The following AGBL4 variants were observed in gnomAD, a reference collection of about 807,000 sequenced individuals.
AGBL4 encodes the protein AGBL carboxypeptidase 4.
A neutral mutation model predicts 66.4 loss-of-function variants in AGBL4; 58 were observed. That is an observed-to-expected ratio of 0.87 (90% CI 0.71 to 1.09). The LOEUF (loss-of-function observed/expected upper bound fraction) is 1.09. AGBL4 is among the 50% of genes least tolerant of loss of function. The pLI is 0.00. For missense variants in AGBL4, 579 were observed against 631.0 expected (o/e 0.92, Z 0.88); for synonymous variants, 234 against 222.9 (o/e 1.05, Z -0.44).
At chr1:48,956,416 C>T (rs927042343) in intron 5 of AGBL4, among the ~76,000 whole-genome samples, 4 of 152,226 alleles carry the variant, frequency 2.6e-5, no homozygotes, top group African/African-American at 9.6e-5. Flanking sequence ...AGTTACATTA[C>T]AACCAATCAA....
intron 2 of AGBL4, among the ~76,000 whole-genome samples, chr1:49,711,251 G>A (rs1647646587): frequency 6.6e-6 from 1 of 151,742 alleles, no homozygotes; most frequent in African/African-American, 2.4e-5. Flanking sequence ...ATCTAACCAA[G>A]AAAAAAATTA....
At chr1:48,957,162 A>G (rs920413462) in intron 5 of AGBL4, among the ~76,000 whole-genome samples, 1 of 152,128 alleles carries the variant, frequency 6.6e-6, no homozygotes, top group Non-Finnish European at 1.5e-5. Flanking sequence ...ATTTTTTGCT[A>G]TTATTACATA....
At chr1:49,084,299 T>C (rs1319982668) in intron 4 of AGBL4, among the ~76,000 whole-genome samples, 1 of 152,150 alleles carries the variant, frequency 6.6e-6, no homozygotes, top group Non-Finnish European at 1.5e-5. Flanking sequence ...ACTCTACCAT[T>C]ACCAATTTAC....
At chr1:49,963,724 A>G (rs1431100892) in intron 1 of AGBL4, among the ~76,000 whole-genome samples, 1 of 152,182 alleles carries the variant, frequency 6.6e-6, no homozygotes. Flanking sequence ...TACAAAGGAA[A>G]TGCTCCAACT....
intron 2 of AGBL4, among the ~76,000 whole-genome samples, chr1:49,720,774 A>T (rs963731884): frequency 1.3e-5 from 2 of 152,200 alleles, no homozygotes; most frequent in Non-Finnish European, 2.9e-5. Flanking sequence ...GGAAACTAAT[A>T]AATTAGTCAA....
chr1:49,720,861 A>G (rs767032064), intron 2 of AGBL4, among the ~76,000 whole-genome samples: 1 of 152,184 alleles, frequency 6.6e-6, no homozygotes, highest in Non-Finnish European at 1.5e-5. Context: ...CAAAGAGTTA[A>G]CAGAAGTGAC....
chr1:49,364,597 C>T (rs1644207251), intron 3 of AGBL4, among the ~76,000 whole-genome samples: 1 of 152,098 alleles, frequency 6.6e-6, no homozygotes, highest in African/African-American at 2.4e-5. Context: ...CATGCCTCAG[C>T]CTCCCAAGTA....
intron 1 of AGBL4, among the ~76,000 whole-genome samples, chr1:49,955,843 G>A (rs1287694271): frequency 1.3e-5 from 2 of 151,756 alleles, no homozygotes; most frequent in East Asian, 1.9e-4. Context: ...CCAATTTTAG[G>A]AAGATTTTAT....
rs1367455471 is a variant in AGBL4, at chr1:49,767,938, G to C, written c.158-70501C>G. 3.4e-5 allele frequency among the ~76,000 whole-genome samples: 5 copies of C among 148,742 alleles called. No homozygotes were observed. The South Asian group carries it at 1.1e-3, about 32-fold the overall frequency. ...CCCTGAAAAGACAAATATCAAGTTC[G>C]AAAATTGAATCAGTTGCATGTGTAC... is the stretch of plus-strand genomic sequence containing the variant. On this transcript the variant is annotated intron_variant, in intron 2 of 13. Transcript: ENST00000371839.
rs1644970640 is a variant in AGBL4 at position 49,396,180 on chromosome 1, AAG to A, written c.283-150318_283-150317del. ...CCAGATAGCAATACTGAAAGAAGGT[AAG>A]AGAGGACTATTGATACACAAAGCAT... On this transcript the variant is annotated intron_variant, in intron 3 of 13. Transcript: ENST00000371839. Among the ~76,000 whole-genome samples, 6 of 152,138 alleles carry A rather than the reference AAG, an allele frequency of 3.9e-5. No homozygotes were observed. The South Asian group carries it at 1.2e-3, about 32-fold the overall frequency.
At chr1:49,249,941 T>C (rs1651918204) in intron 3 of AGBL4, among the ~76,000 whole-genome samples, 1 of 152,150 alleles carries the variant, frequency 6.6e-6, no homozygotes, top group Non-Finnish European at 1.5e-5. Context: ...ATGAAACTGG[T>C]GGTCACAACA....
chr1:49,961,023 A>G (rs935837867), intron 1 of AGBL4, among the ~76,000 whole-genome samples: 45 of 152,122 alleles, frequency 3.0e-4, no homozygotes, highest in Admixed American at 1.8e-3. Context: ...TTGGAATAAT[A>G]AAGTGCCTTC....
chr1:49,671,869 C>G (rs1277618890), intron 3 of AGBL4, among the ~76,000 whole-genome samples: 1 of 151,900 alleles, frequency 6.6e-6, no homozygotes, highest in Non-Finnish European at 1.5e-5. Context: ...AAAATGGAAC[C>G]CTTATACACT....
At position 48,587,008 on chromosome 1, in the gene AGBL4, T is replaced by G. The variant is rs367898140; in HGVS notation, c.1263A>C (p.Glu421Asp). Residue 421 changes from glutamate to aspartate, a missense_variant, in exon 11 of 14, where the codon GAA (glutamate) becomes GAC (aspartate). Coordinates refer to ENST00000371839, the MANE Select transcript of AGBL4 (RefSeq NM_032785.4). ...CTGGGTGGGGACTAAGGATACAGGC[T>G]TCTTCAGTGTAGGGCACAGCAGCCG... The part of the protein sequence containing the change: ...GTTAAVPYTE[E>D]AYMKLGRNVA... 88 of 1,610,346 alleles carry G rather than the reference T, an allele frequency of 5.5e-5. 1 individual carries two copies. The East Asian group carries it at 1.2e-3, about 22-fold the overall frequency.
At chr1:49,212,742 G>T (rs987161320) in intron 4 of AGBL4, among the ~76,000 whole-genome samples, 1 of 152,070 alleles carries the variant, frequency 6.6e-6, no homozygotes, top group East Asian at 1.9e-4. Flanking sequence ...TAACAATTAA[G>T]TTATTTAATT....
intron 6 of AGBL4, among the ~76,000 whole-genome samples, chr1:48,665,793 C>T (rs1646177327): frequency 6.6e-6 from 1 of 151,946 alleles, no homozygotes; most frequent in South Asian, 2.1e-4. Context: ...TCACCAAGCC[C>T]TTTTAAAAGA....
At chr1:49,108,694 A>G (rs1029460744) in intron 4 of AGBL4, among the ~76,000 whole-genome samples, 1 of 152,210 alleles carries the variant, frequency 6.6e-6, no homozygotes, top group Admixed American at 6.5e-5. Flanking sequence ...GAATACAGTC[A>G]GCAGAGACAG....
rs374058006 is a variant in AGBL4 at position 49,923,172 on chromosome 1, A to C, written c.35-71654T>G. The stretch of plus-strand genomic sequence containing the variant: ...CCAAGAAATAAGACTGCAAACAAAC[A>C]ACTATCTGATCTTTGACAAACCTGA... On this transcript the variant is annotated intron_variant, in intron 1 of 13. Transcript: ENST00000371839. 3.4e-4 allele frequency among the ~76,000 whole-genome samples: 52 copies of C among 152,266 alleles called. 1 individual carries two copies. The South Asian group carries it at 9.5e-3, about 28-fold the overall frequency.
intron 3 of AGBL4, among the ~76,000 whole-genome samples, chr1:49,551,618 G>T (rs900423273): frequency 2.6e-5 from 4 of 152,206 alleles, no homozygotes; most frequent in Non-Finnish European, 4.4e-5. Flanking sequence ...TGGTACTGGG[G>T]GTTGTCTGTA....
Sources: allele counts gnomAD v4.1 joint callset (sites outside exome capture counted in the v4.1 genomes callset), GRCh38; gene constraint gnomAD v4.1.1; transcripts MANE v1.5; gene names NCBI Gene and HGNC (gene_info 2026-07-23, HGNC 2026-07-21).